The following HMGXB3 variants were observed in gnomAD, a reference collection of about 807,000 sequenced individuals.
HMGXB3 encodes the protein HMG-box containing 3.
In HMGXB3, 45 loss-of-function variants were observed where a neutral mutation model predicts 121.5. That is an observed-to-expected ratio of 0.37 (90% CI 0.29 to 0.47). HMGXB3 has a LOEUF of 0.47. Among genes scored for constraint, HMGXB3 ranks in the 20% least tolerant of loss-of-function variants. The pLI is 0.99. For missense variants in HMGXB3, 1,376 were observed against 1,602.2 expected (o/e 0.86, Z 2.41); for synonymous variants, 590 against 624.1 (o/e 0.95, Z 0.81).
intron 18 of HMGXB3, among the ~76,000 whole-genome samples, chr5:150,049,373 G>C (rs969173306): frequency 1.3e-4 from 20 of 152,026 alleles, no homozygotes; most frequent in African/African-American, 4.6e-4. Context: ...TTATGTACTA[G>C]ATGACAGAGT....
chr5:150,046,958 T>C (rs1756771411), intron 16 of HMGXB3, among the ~76,000 whole-genome samples: 1 of 150,098 alleles, frequency 6.7e-6, no homozygotes, highest in African/African-American at 2.5e-5. Flanking sequence ...TGATCTGGGC[T>C]CACTGCAACT....
At chr5:150,018,811 A>G in intron 6 of HMGXB3, 114 bp downstream of exon 6, 1 of 965,918 alleles carries the variant, frequency 1.0e-6, no homozygotes, top group Non-Finnish European at 1.5e-6. Context: ...GTCTGACTAT[A>G]CAAGTAAATC....
intron 9 of HMGXB3, among the ~76,000 whole-genome samples, chr5:150,029,318 A>C (rs943944794): frequency 1.3e-5 from 2 of 148,534 alleles, no homozygotes; most frequent in African/African-American, 5.1e-5. Context: ...ATGTAGCTAG[A>C]ATAGTTATCA....
Position 150,040,736 on chromosome 5 carries a change from C to G in HMGXB3, c.2414-12C>G. The stretch of plus-strand genomic sequence containing the variant: ...TACATTAATTTCCTTGTTGCCTCTT[C>G]TTAACCTGCAGGTCTCTTTAATGTG... On this transcript the variant is annotated splice_polypyrimidine_tract_variant and intron_variant, in intron 13 of 19. Transcript: ENST00000502717. 1 of 1,548,960 alleles carries G rather than the reference C, an allele frequency of 6.5e-7. No individual in the cohort carries two copies. The highest frequency in any genetic ancestry group is 8.7e-7 in the Non-Finnish European group (1 of 1,146,138).
intron 1 of HMGXB3, among the ~76,000 whole-genome samples, chr5:150,004,344 C>A (rs1755648001): frequency 6.6e-6 from 1 of 152,142 alleles, no homozygotes; most frequent in South Asian, 2.1e-4. Context: ...ATAAAGAAAT[C>A]TTTTACATAC....
chr5:150,052,245 T>G lies in HMGXB3; in HGVS notation c.*53T>G. On this transcript the variant is annotated 3_prime_UTR_variant, in exon 20 of 20. Transcript: ENST00000502717. ...ATCTCTCAAGCCATAGTAAGGCCCT[T>G]GCCTGAGGCAGAGCTATCCAGGGGA... The G allele has an allele frequency of 2.2e-6, 3 of 1,395,222 alleles. No homozygotes were observed. Among genetic ancestry groups the G allele is most frequent in the Non-Finnish European group, 2.9e-6 (3 of 1,031,726 alleles). The allele number at this position is 1,395,222 out of a possible 1,614,324, so 86.4% of individuals were successfully genotyped here.
At chr5:150,048,772 G>A (rs930669264) in intron 18 of HMGXB3, 87 bp downstream of exon 18, 9 of 1,018,518 alleles carry the variant, frequency 8.8e-6, no homozygotes, top group Admixed American at 6.0e-5. Flanking sequence ...GTTTTGGGGG[G>A]CTAGACTTAG....
Position 150,040,737 on chromosome 5 carries a change from T to G in HMGXB3, c.2414-11T>G, listed in dbSNP as rs1164467114. On this transcript the variant is annotated splice_polypyrimidine_tract_variant and intron_variant, in intron 13 of 19. Coordinates refer to ENST00000502717, the MANE Select transcript of HMGXB3 (RefSeq NM_014983.3). The stretch of plus-strand genomic sequence containing the variant: ...ACATTAATTTCCTTGTTGCCTCTTC[T>G]TAACCTGCAGGTCTCTTTAATGTGG... The G allele has an allele frequency of 1.9e-6, 3 of 1,549,296 alleles. No individual in the cohort carries two copies. The highest frequency in any genetic ancestry group is 1.4e-5 in the African/African-American group (1 of 72,840).
intron 1 of HMGXB3, 82 bp from the exon 2 acceptor site, chr5:150,004,769 G>C (rs562722620): frequency 2.2e-6 from 2 of 927,784 alleles, no homozygotes; most frequent in South Asian, 3.4e-5. Flanking sequence ...ACTGGCAGAG[G>C]TAAGGGGTTA....
Position 150,045,583 on chromosome 5 carries a change from T to A in HMGXB3, c.2848T>A (p.Phe950Ile), listed in dbSNP as rs1340133788. The A allele has an allele frequency of 6.4e-7, 1 of 1,552,036 alleles. No homozygotes were observed. The highest frequency in any genetic ancestry group is 8.7e-7 in the Non-Finnish European group (1 of 1,147,086). ...TCCTGCCAGCATCCCTATCACCAAATTTGATGCGTCTGTTATTGCCCCCTT... is the reference window on the plus strand; with the variant it reads ...TCCTGCCAGCATCCCTATCACCAAAATTGATGCGTCTGTTATTGCCCCCTT... ...AFPASIPITKFDASVIAPFFP... is the reference protein window; with the variant it reads ...AFPASIPITKIDASVIAPFFP... The change falls in exon 16 of 20, where the codon TTT (phenylalanine) becomes ATT (isoleucine). Residue 950 changes from phenylalanine to isoleucine, a missense_variant. Physicochemically the swap from Phe to Ile is conservative, Grantham distance 21. Coordinates refer to ENST00000502717, the MANE Select transcript of HMGXB3 (RefSeq NM_014983.3).
intron 2 of HMGXB3, among the ~76,000 whole-genome samples, chr5:150,005,459 C>T (rs935125126): frequency 5.9e-5 from 9 of 151,854 alleles, no homozygotes; most frequent in African/African-American, 1.9e-4. Flanking sequence ...ATTAGCCGGG[C>T]GTGGTGGCGC....
intron 15 of HMGXB3, among the ~76,000 whole-genome samples, chr5:150,043,450 C>T (rs1046252404): frequency 1.3e-5 from 2 of 152,216 alleles, no homozygotes; most frequent in South Asian, 2.1e-4. Context: ...CATGTGTTCA[C>T]TGATCAGGCA....
intron 5 of HMGXB3, among the ~76,000 whole-genome samples, chr5:150,017,541 C>G (rs11740243): frequency 0.12 from 18,203 of 152,216 alleles, 1,319 homozygotes; most frequent in Admixed American, 0.26. Flanking sequence ...AAAATTGGAA[C>G]CCAAAGCCTG....
intron 2 of HMGXB3, among the ~76,000 whole-genome samples, chr5:150,005,706 C>A (rs1755685954): frequency 6.6e-6 from 1 of 152,126 alleles, no homozygotes; most frequent in African/African-American, 2.4e-5. Flanking sequence ...TCACTCTTGA[C>A]TGTGAATACC....
intron 12 of HMGXB3, among the ~76,000 whole-genome samples, 183 bp downstream of exon 12, chr5:150,037,120 G>A (rs953749347): frequency 5.3e-5 from 8 of 152,188 alleles, no homozygotes; most frequent in Admixed American, 3.9e-4. Flanking sequence ...CTGTTGAAAT[G>A]CCTGAAAGTT....
rs1285314156 is a variant in HMGXB3, at chr5:150,010,538, TC to T, written c.744del (p.Thr249LeufsTer18). On this transcript the variant is annotated frameshift_variant, in exon 4 of 20. Coordinates refer to ENST00000502717, the MANE Select transcript of HMGXB3 (RefSeq NM_014983.3). ...ACCTTGGTGAATGGCTCACCAGACC[TC>T]CCCACTGGAAGCCTGGCTGTGCCCC... Reference protein sequence around the residue: ...EETLVNGSPDLPTGSLAVPHP... With the variant: ...EETLVNGSPDXPTGSLAVPHP... 6.4e-7 allele frequency: 1 copy of T among 1,551,484 alleles called. No homozygotes were observed. The highest frequency in any genetic ancestry group is 1.2e-5 in the South Asian group (1 of 84,050).
At position 150,024,532 on chromosome 5, in the gene HMGXB3, G is replaced by A; in HGVS notation, c.1312G>A (p.Val438Ile). The change falls in exon 7 of 20, where the codon GTC becomes ATC. Residue 438 changes from valine (V) to isoleucine (I), a missense_variant. Val to Ile is a conservative substitution (Grantham distance 29, BLOSUM62 3). Around this residue, in one of 2 missense-constraint regions of HMGXB3, gnomAD observed 1,116 missense variants for 1,369.0 expected, o/e 0.82. Coordinates refer to ENST00000502717, the MANE Select transcript of HMGXB3 (RefSeq NM_014983.3). ...AGCTCCCGGGAATTGTGGTACAGCAGTCACTAAGACGCCAGTCGTCAAAAG... is the reference window on the plus strand; with the variant it reads ...AGCTCCCGGGAATTGTGGTACAGCAATCACTAAGACGCCAGTCGTCAAAAG... Reference protein sequence around the residue: ...KEAPGNCGTAVTKTPVVKSGV... With the variant: ...KEAPGNCGTAITKTPVVKSGV... The A allele has an allele frequency of 3.2e-6, 5 of 1,551,728 alleles. No individual in the cohort carries two copies. Among genetic ancestry groups the A allele is most frequent in the Non-Finnish European group, 4.4e-6 (5 of 1,147,000 alleles).
At chr5:150,020,411 C>G (rs1756061355) in intron 6 of HMGXB3, among the ~76,000 whole-genome samples, 1 of 152,218 alleles carries the variant, frequency 6.6e-6, no homozygotes, top group African/African-American at 2.4e-5. Flanking sequence ...CTTGGCCTTT[C>G]TTGACCAATG....
chr5:150,015,997 G>A (rs564906974), intron 5 of HMGXB3, among the ~76,000 whole-genome samples: 13 of 152,138 alleles, frequency 8.5e-5, no homozygotes, highest in African/African-American at 2.4e-4. Flanking sequence ...GATTGATAAC[G>A]TTCAACCCTT....
Sources: gnomAD v4.1 joint callset for allele counts (sites outside exome capture counted in the v4.1 genomes callset) on GRCh38, gnomAD v4.1.1 for gene constraint, gnomAD v4.1.1 regional missense constraint, MANE v1.5 for transcripts, NCBI Gene and HGNC (gene_info 2026-07-23, HGNC 2026-07-21) for gene names.